CBX5: variants seen among roughly 807,000 people sequenced by gnomAD.
CBX5 encodes chromobox 5, also known as chromobox protein homolog 5.
In CBX5, 7 loss-of-function variants were observed where a neutral mutation model predicts 20.7. The ratio of observed to expected loss-of-function variants is 0.34; its 90% CI spans 0.19 to 0.63. CBX5 has a LOEUF of 0.63. Among genes scored for constraint, CBX5 ranks in the 30% least tolerant of loss-of-function variants. The probability of loss-of-function intolerance (pLI) is 0.75; values close to 1 mark genes in which losing one functional copy is unlikely to be tolerated. For missense variants in CBX5, 110 were observed against 224.1 expected (o/e 0.49, Z 3.25); for synonymous variants, 78 against 77.0 (o/e 1.01, Z -0.07).
At chr12:54,273,879 A>T (rs1161502729) in intron 1 of CBX5, 1 of 152,190 alleles carries the variant, frequency 6.6e-6, no homozygotes, top group Non-Finnish European at 1.5e-5. Context: ...ACATAGGGGG[A>T]ATAAAATTTT....
chr12:54,237,950 G>A lies in CBX5; in HGVS notation c.*3805C>T, dbSNP rs1943639743. The A allele has an allele frequency of 6.6e-6, 1 of 152,218 alleles. No individual in the cohort carries two copies. Among genetic ancestry groups the A allele is most frequent in the African/African-American group, 2.4e-5 (1 of 41,448 alleles). The allele number at this position is 152,218 out of a possible 1,614,324, so 9.4% of individuals were successfully genotyped here. A position where few individuals can be genotyped will look rare whatever the true frequency, so the allele number is the denominator to read the frequency against. On this transcript the variant is annotated 3_prime_UTR_variant, in exon 5 of 5. Transcript: ENST00000209875. Reference sequence around the variant, plus strand: ...CTCATGCCTGTAATTCCAGCACTTTGGGAGGCCAAGGTGGGCAGATCACAA... The same window carrying A: ...CTCATGCCTGTAATTCCAGCACTTTAGGAGGCCAAGGTGGGCAGATCACAA...
At chr12:54,250,208 A>C (rs545588098) in intron 3 of CBX5, among the ~76,000 whole-genome samples, 1 of 152,124 alleles carries the variant, frequency 6.6e-6, no homozygotes, top group Non-Finnish European at 1.5e-5. Flanking sequence ...GGGCAACAAG[A>C]GTGAAACTCC....
At chr12:54,258,602 T>C (rs1056881106) in intron 1 of CBX5, among the ~76,000 whole-genome samples, 4 of 152,092 alleles carry the variant, frequency 2.6e-5, no homozygotes, top group African/African-American at 9.7e-5. Flanking sequence ...GAAACACAAA[T>C]GGAAATTGAG....
At chr12:54,250,708 G>C (rs1943788534) in intron 3 of CBX5, among the ~76,000 whole-genome samples, 2 of 147,932 alleles carry the variant, frequency 1.4e-5, no homozygotes, top group South Asian at 4.3e-4. Context: ...GGGAGGCTGA[G>C]GCAGGAGAAT....
chr12:54,236,134 A>G lies in CBX5; in HGVS notation c.*5621T>C, dbSNP rs1943619564. 1 of 152,176 alleles carries G rather than the reference A, an allele frequency of 6.6e-6. No individual in the cohort carries two copies. Among genetic ancestry groups the G allele is most frequent in the Middle Eastern group, 3.2e-3 (1 of 316 alleles). 9.4% of individuals were successfully genotyped at this position (152,176 alleles called of 1,614,324 possible). Reference sequence around the variant, plus strand: ...CACATATAGGCCGAAATTAATGTCAACTTCTTACTCCAGGGCTACAAACTA... The same window carrying G: ...CACATATAGGCCGAAATTAATGTCAGCTTCTTACTCCAGGGCTACAAACTA... On this transcript the variant is annotated 3_prime_UTR_variant, in exon 5 of 5. Coordinates refer to ENST00000209875, the MANE Select transcript of CBX5 (RefSeq NM_012117.3).
At chr12:54,271,450 C>G (rs1030077044) in intron 1 of CBX5, among the ~76,000 whole-genome samples, 1 of 152,172 alleles carries the variant, frequency 6.6e-6, no homozygotes, top group Non-Finnish European at 1.5e-5. Flanking sequence ...CTCAGCCTCC[C>G]AAGTAGCTGG....
chr12:54,278,629 A>G (rs1944094236), intron 1 of CBX5: 1 of 152,244 alleles, frequency 6.6e-6, no homozygotes, highest in Non-Finnish European at 1.5e-5. Context: ...AATGTTATCA[A>G]AATTTATTTA....
intron 1 of CBX5, among the ~76,000 whole-genome samples, chr12:54,266,780 T>C (rs1302866134): frequency 6.6e-6 from 1 of 152,214 alleles, no homozygotes; most frequent in Non-Finnish European, 1.5e-5. Context: ...CATCATTTTA[T>C]ATTGGATTTT....
At position 54,252,131 on chromosome 12, in the gene CBX5, A is replaced by G. The variant is rs745504618; in HGVS notation, c.234T>C (p.Asn78=). 3 of 1,611,792 alleles carry G rather than the reference A, an allele frequency of 1.9e-6. No homozygotes were observed. In the South Asian group the frequency reaches 3.3e-5, roughly 18 times the overall value. ...KKYKKMKEGE[N]NKPREKSESN... ...TTTCTGACTTCTCCCTGGGTTTATT[A>G]TTTTCACCCTCCTTCATCTTCTTAT... The change falls in exon 3 of 5, where the codon AAT becomes AAC. Residue 78 remains asparagine (N), a synonymous_variant. Transcript: ENST00000209875.
chr12:54,263,801 A>G lies in CBX5; in HGVS notation c.-42-6109T>C, dbSNP rs538949532. Among the ~76,000 whole-genome samples, 14 of 149,818 alleles carry G rather than the reference A, an allele frequency of 9.3e-5. No individual in the cohort carries two copies. In the South Asian group the frequency reaches 2.5e-3, roughly 27 times the overall value. ...AAAAAAAAGAAAAGAAAAAAGAAAA[A>G]AAAAGGCCAGGCGCAGTGGCTCACG... On this transcript the variant is annotated intron_variant, in intron 1 of 4. Transcript: ENST00000209875.
At chr12:54,251,816 T>C (rs919042971) in intron 3 of CBX5, among the ~76,000 whole-genome samples, 8 of 152,244 alleles carry the variant, frequency 5.3e-5, no homozygotes, top group Non-Finnish European at 8.8e-5. Flanking sequence ...TACAAAGATT[T>C]AATTTTGCCC....
rs895809353 is a variant in CBX5, at chr12:54,240,538, T to G, written c.*1217A>C. On this transcript the variant is annotated 3_prime_UTR_variant, in exon 5 of 5. Coordinates refer to ENST00000209875, the MANE Select transcript of CBX5 (RefSeq NM_012117.3). ...CACTGTGCCTGGCCATGAAAATTCA[T>G]TTTAAAAAATAAGATACAACTATAA... 6.6e-6 allele frequency: 1 copy of G among 152,104 alleles called. No individual in the cohort carries two copies. Among genetic ancestry groups the G allele is most frequent in the African/African-American group, 2.4e-5 (1 of 41,408 alleles). The allele number at this position is 152,104 out of a possible 1,614,324, so 9.4% of individuals were successfully genotyped here.
At chr12:54,273,660 A>G (rs1944032095) in intron 1 of CBX5, 1 of 152,212 alleles carries the variant, frequency 6.6e-6, no homozygotes, top group Non-Finnish European at 1.5e-5. Flanking sequence ...AGACAATGTG[A>G]AAACAGAACA....
At chr12:54,264,491 C>T (rs1461278392) in intron 1 of CBX5, among the ~76,000 whole-genome samples, 1 of 152,138 alleles carries the variant, frequency 6.6e-6, no homozygotes, top group Non-Finnish European at 1.5e-5. Flanking sequence ...TTTTCATCAC[C>T]ACTTATGAGC....
intron 1 of CBX5, chr12:54,263,079 G>A (rs550208720): frequency 6.6e-6 from 1 of 152,490 alleles, no homozygotes; most frequent in African/African-American, 2.4e-5. Flanking sequence ...TGAGAAAAGA[G>A]GCTGGGCGCG....
intron 3 of CBX5, among the ~76,000 whole-genome samples, chr12:54,247,025 T>C (rs1280036437): frequency 2.0e-5 from 3 of 152,278 alleles, no homozygotes; most frequent in South Asian, 2.1e-4. Context: ...AACAATAATT[T>C]TGACACATTT....
intron 3 of CBX5, among the ~76,000 whole-genome samples, chr12:54,247,419 G>A (rs1301667613): frequency 1.3e-5 from 2 of 152,088 alleles, no homozygotes; most frequent in Admixed American, 1.3e-4. Flanking sequence ...GTGCTACTCC[G>A]ACTCAGGAGG....
At chr12:54,256,850 C>T (rs1443747047) in intron 2 of CBX5, among the ~76,000 whole-genome samples, 2 of 152,092 alleles carry the variant, frequency 1.3e-5, no homozygotes, top group Admixed American at 6.6e-5. Context: ...CCTGGAAGTT[C>T]GAGACCAGCC....
At chr12:54,246,041 C>A in intron 4 of CBX5, 74 bp downstream of exon 4, 1 of 984,392 alleles carries the variant, frequency 1.0e-6, no homozygotes. Flanking sequence ...GCAGTCTTGC[C>A]ACCCTATCTT....
Sources: gnomAD v4.1 joint callset for allele counts (sites outside exome capture counted in the v4.1 genomes callset) on GRCh38, gnomAD v4.1.1 for gene constraint, MANE v1.5 for transcripts, NCBI Gene and HGNC (gene_info 2026-07-23, HGNC 2026-07-21) for gene names.